PDCD11: variants seen among roughly 807,000 people sequenced by gnomAD.
The protein encoded by PDCD11 is protein RRP5 homolog.
In PDCD11, 97 loss-of-function variants were observed where a neutral mutation model predicts 198.9. The ratio of observed to expected loss-of-function variants is 0.49; its 90% confidence interval spans 0.41 to 0.58. The LOEUF (loss-of-function observed/expected upper bound fraction) is 0.58. Among genes scored for constraint, PDCD11 ranks in the 20% least tolerant of loss-of-function variants. The pLI, the probability that PDCD11 is intolerant of heterozygous loss-of-function variation, is 0.00. For synonymous variants in PDCD11, 893 were observed against 918.0 expected, an observed-to-expected ratio of 0.97 and a Z score of 0.49; for missense variants, 2,102 against 2,312.7, an observed-to-expected ratio of 0.91 and a Z score of 1.87.
chr10:103,443,435 C>T, intron 33 of PDCD11, 102 bp downstream of exon 33: 1 of 1,086,938 alleles, frequency 9.2e-7, no homozygotes, highest in South Asian at 1.8e-5. Flanking sequence ...GAGCTTGCCA[C>T]CCAACATCGG....
intron 8 of PDCD11, among the ~76,000 whole-genome samples, chr10:103,412,694 T>C (rs867905572): frequency 4.1e-4 from 63 of 152,138 alleles, no homozygotes; most frequent in African/African-American, 1.3e-3. Flanking sequence ...AGACTCCTGA[T>C]CTCAAGTGAT....
At position 103,440,323 on chromosome 10, in the gene PDCD11, T is replaced by G. The variant is rs1446239050; in HGVS notation, c.4182T>G (p.Ser1394=). The change falls in exon 29 of 36, where the codon TCT becomes TCG. Residue 1394 remains serine (S), a synonymous_variant. Coordinates refer to ENST00000369797, the MANE Select transcript of PDCD11 (RefSeq NM_014976.2). ...LNHQKNLVEL[S]FLPGDTGKPD... ...ACCAGAAGAACCTGGTAGAGCTGTC[T>G]TTCCTCCCCGGAGACACTGGGAAGC... 6.2e-7 allele frequency: 1 copy of G among 1,614,048 alleles called. No homozygotes were observed. Among genetic ancestry groups the G allele is most frequent in the Non-Finnish European group, 8.5e-7 (1 of 1,180,002 alleles).
Position 103,440,434 on chromosome 10 carries a change from GGAAAAGAAAAATCA to G in PDCD11, c.4300_4313del (p.Lys1434GlufsTer41). On this transcript the variant is annotated frameshift_variant, in exon 29 of 36. Coordinates refer to ENST00000369797, the MANE Select transcript of PDCD11 (RefSeq NM_014976.2). LOFTEE classifies it high-confidence loss of function. ...AGGCTGAGGAGAGAGACCAAAAAGGGGAAAAGAAAAATCAGAAAAGGAACGAGAAGAAGAACCAG... is the reference window on the plus strand; with the variant it reads ...AGGCTGAGGAGAGAGACCAAAAAGGGGAAAAGGAACGAGAAGAAGAACCAG... 1 of 1,614,162 alleles carries G rather than the reference GGAAAAGAAAAATCA, an allele frequency of 6.2e-7. No individual in the cohort carries two copies. Among genetic ancestry groups the G allele is most frequent in the South Asian group, 1.1e-5 (1 of 91,084 alleles).
chr10:103,443,257 G>A lies in PDCD11; in HGVS notation c.5048G>A (p.Arg1683Gln), dbSNP rs779227029. 15 of 1,613,302 alleles carry A rather than the reference G, an allele frequency of 9.3e-6. No homozygotes were observed. Among genetic ancestry groups the A allele is most frequent in the South Asian group, 5.5e-5 (5 of 91,060 alleles). ...GAGTCCCTGACCAAGGTCTTTGAGC[G>A]AGCCGTGCAGTACAACGAGCCTCTC... is the stretch of plus-strand genomic sequence containing the variant. ...SQESLTKVFE[R>Q]AVQYNEPLKV... Residue 1683 changes from arginine to glutamine, a missense_variant, in exon 33 of 36, where the codon CGA becomes CAA. Physicochemically the swap from Arg to Gln is conservative, Grantham distance 43 (BLOSUM62 1). Transcript: ENST00000369797.
At chr10:103,427,260 A>G in intron 20 of PDCD11, 69 bp from the exon 21 acceptor site, 1 of 1,400,152 alleles carries the variant, frequency 7.1e-7, no homozygotes, top group Non-Finnish European at 1.0e-6. Flanking sequence ...GAGTAGGGAG[A>G]AATCCTGACC....
At chr10:103,439,641 A>T (rs2032293491) in intron 27 of PDCD11, 105 bp from the exon 28 acceptor site, 3 of 1,348,034 alleles carry the variant, frequency 2.2e-6, no homozygotes, top group African/African-American at 2.9e-5. Context: ...GTCTGTCACA[A>T]ATCCTTGTCA....
chr10:103,403,136 C>A lies in PDCD11; in HGVS notation c.253C>A (p.Arg85Ser). ...LSVESLCEGM[R>S]ILGCVKEVNE... ...CTTCTAGTCCCTGTGTGAGGGAATG[C>A]GTATTTTGGGTTGCGTGAAAGAGGT... is the stretch of plus-strand genomic sequence containing the variant. The change falls in exon 4 of 36, where the codon CGT becomes AGT. Residue 85 changes from arginine to serine, a missense_variant. Arg to Ser is a moderately radical substitution (Grantham distance 110). Transcript: ENST00000369797. The A allele has an allele frequency of 6.2e-7, 1 of 1,614,000 alleles. No homozygotes were observed. Among genetic ancestry groups the A allele is most frequent in the Non-Finnish European group, 8.5e-7 (1 of 1,179,928 alleles).
chr10:103,401,178 A>G (rs568123706), intron 3 of PDCD11, among the ~76,000 whole-genome samples: 40 of 152,270 alleles, frequency 2.6e-4, no homozygotes, highest in Non-Finnish European at 5.3e-4. Flanking sequence ...TTACCCATTC[A>G]TTTCATAGAT....
intron 6 of PDCD11, 32 bp downstream of exon 6, chr10:103,406,140 G>A: frequency 6.2e-7 from 1 of 1,608,518 alleles, no homozygotes; most frequent in African/African-American, 1.3e-5. Flanking sequence ...AGTACATGGT[G>A]GTGAGGTGGT....
chr10:103,415,136 T>A lies in PDCD11; in HGVS notation c.1503T>A (p.Asp501Glu). The change falls in exon 12 of 36, where the codon GAT (aspartate) becomes GAA (glutamate). Residue 501 changes from aspartate to glutamate, a missense_variant. Coordinates refer to ENST00000369797, the MANE Select transcript of PDCD11 (RefSeq NM_014976.2). ...KNPEKKYHIG[D>E]EVKCRVLLCD... ...CGGAGAAGAAGTACCACATCGGGGA[T>A]GAGGTCAAGTGCCGGGTGAGCCTCC... The A allele has an allele frequency of 6.2e-7, 1 of 1,613,752 alleles. No individual in the cohort carries two copies.
At chr10:103,413,446 A>C (rs1485107580) in intron 9 of PDCD11, 124 bp downstream of exon 9, 4 of 724,428 alleles carry the variant, frequency 5.5e-6, no homozygotes, top group Non-Finnish European at 9.3e-6. Context: ...TTGTAGTTCT[A>C]ATTCCTGTTC....
chr10:103,410,121 G>A lies in PDCD11; in HGVS notation c.978+315G>A, dbSNP rs926940119. On this transcript the variant is annotated intron_variant, in intron 8 of 35. Transcript: ENST00000369797. Reference sequence around the variant, plus strand: ...GTGGTGGCGCATGCCTGTAGTCCCAGCTACTCAGGAAGGTGAGGCAGGAGA... The same window carrying A: ...GTGGTGGCGCATGCCTGTAGTCCCAACTACTCAGGAAGGTGAGGCAGGAGA... 2.8e-4 allele frequency among the ~76,000 whole-genome samples: 43 copies of A among 152,208 alleles called. 1 individual carries two copies. The highest frequency in any genetic ancestry group is 5.9e-4 in the Admixed American group (9 of 15,280).
intron 10 of PDCD11, 73 bp from the exon 11 acceptor site, chr10:103,414,197 G>A: frequency 6.4e-7 from 1 of 1,574,016 alleles, no homozygotes; most frequent in Non-Finnish European, 8.7e-7. Context: ...TTGCCAGCAT[G>A]CCTGTGGTAG....
At chr10:103,437,936 G>A (rs1338256768) in intron 25 of PDCD11, 79 bp from the exon 26 acceptor site, 3 of 1,126,242 alleles carry the variant, frequency 2.7e-6, no homozygotes, top group African/African-American at 1.5e-5. Flanking sequence ...TCGTCAGCCT[G>A]GAGGAGAGGA....
rs752395632 is a variant in PDCD11, at chr10:103,440,865, G to A, written c.4557+15G>A. The A allele has an allele frequency of 1.3e-6, 2 of 1,567,050 alleles. No individual in the cohort carries two copies. Among genetic ancestry groups the A allele is most frequent in the African/African-American group, 1.3e-5 (1 of 74,146 alleles). On this transcript the variant is annotated intron_variant, in intron 30 of 35. Transcript: ENST00000369797. Reference sequence around the variant, plus strand: ...TGCTGCCCAAGGTGAGGGTGACGTCGCGGGGAGGGGAAGGCTGCTCCAGGC... The same window carrying A: ...TGCTGCCCAAGGTGAGGGTGACGTCACGGGGAGGGGAAGGCTGCTCCAGGC...
intron 22 of PDCD11, among the ~76,000 whole-genome samples, chr10:103,432,731 T>A (rs1170852042): frequency 6.6e-6 from 1 of 152,202 alleles, no homozygotes; most frequent in Non-Finnish European, 1.5e-5. Context: ...GTTGCCAGAT[T>A]CCTCTTCGAT....
At chr10:103,435,332 GT>G (rs1050846996) in intron 25 of PDCD11, among the ~76,000 whole-genome samples, 3 of 151,462 alleles carry the variant, frequency 2.0e-5, no homozygotes, top group Non-Finnish European at 4.4e-5. Flanking sequence ...GTATTCTGGG[GT>G]TTTTTTAATT....
In PDCD11 at chr10:103,417,668, T is replaced by C. The variant is rs2031184245; in HGVS notation, c.1771-124T>C. 4.9e-6 allele frequency: 5 copies of C among 1,012,970 alleles called. No individual in the cohort carries two copies. In the South Asian group the frequency reaches 7.8e-5, roughly 16 times the overall value. 62.7% of individuals were successfully genotyped at this position (1,012,970 alleles called of 1,614,324 possible). On this transcript the variant is annotated intron_variant, in intron 13 of 35. Coordinates refer to ENST00000369797, the MANE Select transcript of PDCD11 (RefSeq NM_014976.2). ...CAGTGCATTTCTTCTTTTCACTGCCTCCTGATCTGATCCAAAGGCTCGGTA... is the reference window on the plus strand; with the variant it reads ...CAGTGCATTTCTTCTTTTCACTGCCCCCTGATCTGATCCAAAGGCTCGGTA...
intron 22 of PDCD11, among the ~76,000 whole-genome samples, chr10:103,432,524 A>T (rs1330675920): frequency 6.6e-6 from 1 of 152,242 alleles, no homozygotes; most frequent in Non-Finnish European, 1.5e-5. Context: ...AAATGTATAT[A>T]ATTTGGATTT....
Sources: allele counts gnomAD v4.1 joint callset (sites outside exome capture counted in the v4.1 genomes callset), GRCh38; gene constraint gnomAD v4.1.1; transcripts MANE v1.5; gene names NCBI Gene and HGNC (gene_info 2026-07-23, HGNC 2026-07-21).